SUSD6: variants seen among roughly 807,000 people sequenced by gnomAD.
The protein encoded by SUSD6 is sushi domain containing 6.
A neutral mutation model predicts 28.4 loss-of-function variants in SUSD6; 16 were observed. The ratio of observed to expected loss-of-function variants is 0.56; its 90% CI spans 0.38 to 0.86. SUSD6 has a LOEUF of 0.86. Ranked by LOEUF, SUSD6 falls within the 40% of genes least tolerant of loss-of-function variation. SUSD6 has a pLI of 0.00. For missense variants in SUSD6, 341 were observed against 384.2 expected (o/e 0.89, Z 0.94); for synonymous variants, 147 against 159.6 (o/e 0.92, Z 0.59).
intron 2 of SUSD6, among the ~76,000 whole-genome samples, chr14:69,681,416 C>A (rs1455255335): frequency 2.6e-5 from 4 of 152,118 alleles, no homozygotes; most frequent in African/African-American, 7.2e-5. Context: ...GCAAATTAAG[C>A]AGATTAACTT....
chr14:69,640,856 G>T (rs377600557), intron 1 of SUSD6, among the ~76,000 whole-genome samples: 1 of 152,150 alleles, frequency 6.6e-6, no homozygotes, highest in South Asian at 2.1e-4. Context: ...TGTAAGACTG[G>T]AATTACAGTC....
chr14:69,665,704 A>C (rs1474829208), intron 2 of SUSD6, among the ~76,000 whole-genome samples: 1 of 152,210 alleles, frequency 6.6e-6, no homozygotes, highest in African/African-American at 2.4e-5. Context: ...AGTATAACTG[A>C]GTATTATATC....
intron 1 of SUSD6, among the ~76,000 whole-genome samples, chr14:69,637,913 G>A (rs1386149254): frequency 6.6e-6 from 1 of 152,076 alleles, no homozygotes; most frequent in African/African-American, 2.4e-5. Flanking sequence ...TTCTCCCCAC[G>A]TTCTATCTTC....
chr14:69,620,030 G>A (rs1044792240), intron 1 of SUSD6, among the ~76,000 whole-genome samples: 3 of 152,230 alleles, frequency 2.0e-5, no homozygotes, highest in Non-Finnish European at 2.9e-5. Context: ...CCAGAAAGCC[G>A]GTGAACAGAG....
At chr14:69,631,609 A>G (rs981069537) in intron 1 of SUSD6, among the ~76,000 whole-genome samples, 2 of 151,070 alleles carry the variant, frequency 1.3e-5, no homozygotes, top group African/African-American at 4.8e-5. Context: ...CGCAGTGACT[A>G]AGCACTCAAA....
At chr14:69,665,384 G>A (rs1885724411) in intron 2 of SUSD6, among the ~76,000 whole-genome samples, 1 of 152,058 alleles carries the variant, frequency 6.6e-6, no homozygotes, top group Non-Finnish European at 1.5e-5. Flanking sequence ...GAGTAGCTGG[G>A]ACTATAGGCA....
At chr14:69,683,604 A>C (rs930234506) in intron 2 of SUSD6, among the ~76,000 whole-genome samples, 4 of 152,188 alleles carry the variant, frequency 2.6e-5, no homozygotes, top group Admixed American at 1.3e-4. Context: ...AGCTGAGGCC[A>C]TGATCATGGG....
At chr14:69,658,818 G>A (rs1885622675) in intron 2 of SUSD6, 105 bp downstream of exon 2, 2 of 1,452,662 alleles carry the variant, frequency 1.4e-6, no homozygotes, top group Non-Finnish European at 1.9e-6. Flanking sequence ...GCGGTTTCAG[G>A]GAGAGCAGAG....
intron 2 of SUSD6, among the ~76,000 whole-genome samples, chr14:69,691,113 A>T (rs894551348): frequency 5.3e-5 from 8 of 152,192 alleles, no homozygotes; most frequent in African/African-American, 1.9e-4. Context: ...AGGTTGAAGC[A>T]GGTGCATCAC....
chr14:69,633,049 T>C (rs1885217744), intron 1 of SUSD6, among the ~76,000 whole-genome samples: 1 of 152,182 alleles, frequency 6.6e-6, no homozygotes. Context: ...GTGTATGAGG[T>C]AGCATTCCTA....
chr14:69,637,166 G>A (rs1232370276), intron 1 of SUSD6, among the ~76,000 whole-genome samples: 1 of 152,000 alleles, frequency 6.6e-6, no homozygotes, highest in Admixed American at 6.5e-5. Context: ...ACCACTCCCT[G>A]TACCCACCTC....
chr14:69,676,067 T>C (rs1010000068), intron 2 of SUSD6, among the ~76,000 whole-genome samples: 4 of 152,216 alleles, frequency 2.6e-5, no homozygotes, highest in Non-Finnish European at 4.4e-5. Context: ...TCTCACAGTC[T>C]AATGGGGGGA....
At chr14:69,654,774 T>C (rs986456154) in intron 1 of SUSD6, among the ~76,000 whole-genome samples, 1 of 85,220 alleles carries the variant, frequency 1.2e-5, no homozygotes, top group African/African-American at 4.2e-5. Flanking sequence ...CCAATTTCTT[T>C]TTTTTTTTTT....
chr14:69,674,171 C>T (rs538562721), intron 2 of SUSD6, among the ~76,000 whole-genome samples: 2 of 152,156 alleles, frequency 1.3e-5, no homozygotes, highest in African/African-American at 4.8e-5. Flanking sequence ...GCATCACTGT[C>T]GTGCCTGCCT....
At position 69,646,967 on chromosome 14, in the gene SUSD6, C is replaced by T. The variant is rs895888805; in HGVS notation, c.-80-11546C>T. Among the ~76,000 whole-genome samples, 5 of 152,184 alleles carry T rather than the reference C, an allele frequency of 3.3e-5. No individual in the cohort carries two copies. In the East Asian group the frequency reaches 9.6e-4, roughly 29 times the overall value. ...CCGCCCGCCTTGGCTTCCCAAAGTG[C>T]TCGGATTACAGGCATGAGCCACAGT... On this transcript the variant is annotated intron_variant, in intron 1 of 5. Transcript: ENST00000342745.
chr14:69,671,641 C>T (rs543745726), intron 2 of SUSD6, among the ~76,000 whole-genome samples: 2 of 152,258 alleles, frequency 1.3e-5, no homozygotes, highest in African/African-American at 4.8e-5. Flanking sequence ...CAGCTGGCGT[C>T]TGGGCCCTTC....
At chr14:69,707,423 C>G (rs187023011) in intron 4 of SUSD6, among the ~76,000 whole-genome samples, 1 of 152,324 alleles carries the variant, frequency 6.6e-6, no homozygotes, top group South Asian at 2.1e-4. Flanking sequence ...CAGATATATA[C>G]TCTCACAAAT....
intron 1 of SUSD6, among the ~76,000 whole-genome samples, chr14:69,656,411 G>A (rs1158570117): frequency 1.3e-5 from 2 of 152,272 alleles, no homozygotes; most frequent in Non-Finnish European, 1.5e-5. Context: ...ACAACTGCCC[G>A]GTAGGGTTAC....
Position 69,708,933 on chromosome 14 carries a change from T to C in SUSD6, c.715T>C (p.Cys239Arg), listed in dbSNP as rs1225521669. The change falls in exon 5 of 6, where the codon TGT becomes CGT. Residue 239 changes from cysteine to arginine, a missense_variant. Transcript: ENST00000342745. Reference protein sequence around the residue: ...EDEAPGQSGLCEAWGSRASET... With the variant: ...EDEAPGQSGLREAWGSRASET... ...TGAGGCCCCAGGCCAGTCTGGACTA[T>C]GTGAAGCCTGGGGCTCTCGGGCCTC... is the stretch of plus-strand genomic sequence containing the variant. 1 of 1,614,070 alleles carries C rather than the reference T, an allele frequency of 6.2e-7. No individual in the cohort carries two copies. Among genetic ancestry groups the C allele is most frequent in the Non-Finnish European group, 8.5e-7 (1 of 1,180,038 alleles).
Sources: gnomAD v4.1 joint callset for allele counts (sites outside exome capture counted in the v4.1 genomes callset) on GRCh38, gnomAD v4.1.1 for gene constraint, MANE v1.5 for transcripts, NCBI Gene and HGNC (gene_info 2026-07-23, HGNC 2026-07-21) for gene names.